CLNK: variants seen among roughly 807,000 people sequenced by gnomAD.
CLNK encodes cytokine dependent hematopoietic cell linker.
A neutral mutation model predicts 68.6 loss-of-function variants in CLNK; 74 were observed. The observed-to-expected ratio is 1.08, with a 90% CI of 0.89 to 1.31. The LOEUF (loss-of-function observed/expected upper bound fraction) is 1.31, where lower values mean the gene tolerates loss of function less well. Among genes scored for constraint, CLNK ranks in the 50% most tolerant of loss-of-function variants. The probability of loss-of-function intolerance (pLI) is 0.00; values close to 1 mark genes in which losing one functional copy is unlikely to be tolerated. For synonymous variants in CLNK, 198 were observed against 172.2 expected, an observed-to-expected ratio of 1.15 and a Z score of -1.17; for missense variants, 553 against 515.3, an observed-to-expected ratio of 1.07 and a Z score of -0.71.
intron 16 of CLNK, among the ~76,000 whole-genome samples, chr4:10,508,891 A>G (rs2006819): frequency 0.24 from 36,400 of 151,942 alleles, 4,904 homozygotes; most frequent in Middle Eastern, 0.3. Flanking sequence ...GGCGGATCAC[A>G]AGGTCAGGAG....
At chr4:10,692,168 C>T in the CLNK span, 4 of 152,222 alleles carry the variant, frequency 2.6e-5, no homozygotes, top group South Asian at 8.3e-4. Context: ...CAACATTTTC[C>T]TGTACTTTGT....
intron 2 of CLNK, among the ~76,000 whole-genome samples, chr4:10,659,873 A>T (rs936402700): frequency 6.6e-6 from 1 of 152,074 alleles, no homozygotes; most frequent in Non-Finnish European, 1.5e-5. Context: ...TTTGGCAATC[A>T]TTTTACAATT....
intron 18 of CLNK, among the ~76,000 whole-genome samples, chr4:10,500,933 G>C (rs1717015922): frequency 6.6e-6 from 1 of 152,224 alleles, no homozygotes; most frequent in Non-Finnish European, 1.5e-5. Flanking sequence ...TGGCATTTCA[G>C]TGCTGAGGAG....
chr4:10,606,746 G>A (rs2011545), intron 2 of CLNK, among the ~76,000 whole-genome samples: 103,672 of 151,996 alleles, frequency 0.68, 36,325 homozygotes, highest in East Asian at 0.77. Context: ...TCACCTAAAT[G>A]TTATATGGTG....
intron 1 of CLNK, among the ~76,000 whole-genome samples, chr4:10,675,773 CTG>C (rs112779586): frequency 0.014 from 2,143 of 152,196 alleles, 51 homozygotes; most frequent in African/African-American, 0.047. Flanking sequence ...CAAAAGCAAA[CTG>C]TGAACGGCTA....
intron 11 of CLNK, among the ~76,000 whole-genome samples, chr4:10,537,637 C>CCCTTTCTTTCTTTCTTTCTTTCTT: frequency 1.3e-5 from 1 of 76,198 alleles, no homozygotes; most frequent in Non-Finnish European, 2.6e-5. Flanking sequence ...TTCTTTCTTT[C>CCCTTTCTTTCTTTCTTTCTTTCTT]TCTTTCTTTC....
intron 11 of CLNK, 98 bp downstream of exon 11, chr4:10,540,396 A>T (rs1300254646): frequency 9.6e-6 from 8 of 835,094 alleles, no homozygotes. Flanking sequence ...CCCATTAGGG[A>T]GCCTGCTCTG....
At chr4:10,582,536 C>G (rs1039300528) in intron 4 of CLNK, among the ~76,000 whole-genome samples, 6 of 151,906 alleles carry the variant, frequency 3.9e-5, no homozygotes, top group Non-Finnish European at 5.9e-5. Context: ...CAGTTTCATT[C>G]TTTATTTAGG....
At chr4:10,728,922 A>G in the CLNK span, among the ~76,000 whole-genome samples, 1 of 151,984 alleles carries the variant, frequency 6.6e-6, no homozygotes, top group African/African-American at 2.4e-5. Context: ...TTTAGCATAT[A>G]CCTTTGATAT....
intron 16 of CLNK, among the ~76,000 whole-genome samples, chr4:10,508,436 T>A (rs1364635939): frequency 6.6e-6 from 1 of 152,052 alleles, no homozygotes; most frequent in Non-Finnish European, 1.5e-5. Flanking sequence ...GAGAAAGAGG[T>A]GCGGAAGGAG....
Position 10,508,028 on chromosome 4 carries a change from C to T in CLNK, c.915G>A (p.Gln305=), listed in dbSNP as rs772267423. 1 of 1,609,446 alleles carries T rather than the reference C, an allele frequency of 6.2e-7. No homozygotes were observed. Residue 305 remains glutamine (Q), a synonymous_variant, in exon 17 of 19, where the codon CAG becomes CAA. Coordinates refer to ENST00000226951, the MANE Select transcript of CLNK (RefSeq NM_052964.4). ...FPKRSDRKDV[Q]HNEWYIGEYS... ...ATTCTCCAATGTACCATTCATTGTG[C>T]TGGACATCCTGCAGAACAGAATCAA...
intron 5 of CLNK, among the ~76,000 whole-genome samples, chr4:10,568,458 C>G (rs1443143961): frequency 6.6e-6 from 1 of 151,732 alleles, no homozygotes; most frequent in African/African-American, 2.4e-5. Flanking sequence ...TGTGAATATA[C>G]AAAAAAACCA....
intron 8 of CLNK, among the ~76,000 whole-genome samples, chr4:10,549,961 G>C (rs902793800): frequency 6.6e-6 from 1 of 152,212 alleles, no homozygotes; most frequent in Non-Finnish European, 1.5e-5. Flanking sequence ...GGTGGGCATA[G>C]CATGGTTGCA....
At chr4:10,624,758 A>G (rs1414030737) in intron 2 of CLNK, among the ~76,000 whole-genome samples, 1 of 151,800 alleles carries the variant, frequency 6.6e-6, no homozygotes, top group Non-Finnish European at 1.5e-5. Context: ...TTATGAAACA[A>G]CTCATTTTAT....
intron 2 of CLNK, among the ~76,000 whole-genome samples, chr4:10,620,866 G>T (rs1250222379): frequency 6.6e-6 from 1 of 151,822 alleles, no homozygotes; most frequent in East Asian, 1.9e-4. Flanking sequence ...ACTTTGGGAG[G>T]CTGAGGCAGG....
chr4:10,732,877 T>G, the CLNK span, among the ~76,000 whole-genome samples: 1 of 152,200 alleles, frequency 6.6e-6, no homozygotes, highest in African/African-American at 2.4e-5. Flanking sequence ...AATATATTTT[T>G]GCCAACATGA....
At chr4:10,590,449 G>A (rs1721141009) in intron 3 of CLNK, among the ~76,000 whole-genome samples, 4 of 152,172 alleles carry the variant, frequency 2.6e-5, no homozygotes, top group Admixed American at 2.6e-4. Flanking sequence ...CTCCTGGCAT[G>A]GAGATGAATC....
chr4:10,563,143 T>G (rs1719965488), intron 7 of CLNK, among the ~76,000 whole-genome samples: 1 of 152,232 alleles, frequency 6.6e-6, no homozygotes, highest in Non-Finnish European at 1.5e-5. Flanking sequence ...GTTTCATTTT[T>G]CTGTCCAAAT....
intron 2 of CLNK, among the ~76,000 whole-genome samples, chr4:10,611,529 TGCA>T (rs1332168581): frequency 2.0e-5 from 3 of 148,928 alleles, no homozygotes; most frequent in Non-Finnish European, 4.4e-5. Context: ...GACCTTCTTC[TGCA>T]GTCTGCAGGG....
Sources: gnomAD v4.1 joint callset for allele counts (sites outside exome capture counted in the v4.1 genomes callset) on GRCh38, gnomAD v4.1.1 for gene constraint, MANE v1.5 for transcripts, NCBI Gene and HGNC (gene_info 2026-07-23, HGNC 2026-07-21) for gene names.